The following SAP130 variants were observed in gnomAD, a reference collection of about 807,000 sequenced individuals.
The protein encoded by SAP130 is Sin3A associated protein 130.
SAP130 carries 16 observed loss-of-function variants against 103.2 expected under a neutral mutation model. That is an observed-to-expected ratio of 0.16 (90% confidence interval 0.10 to 0.24). The LOEUF (loss-of-function observed/expected upper bound fraction) is 0.24, where lower values mean the gene tolerates loss of function less well. Ranked by LOEUF, SAP130 falls within the 10% of genes least tolerant of loss-of-function variation. The pLI is 1.00. For missense variants in SAP130, 990 were observed against 1,359.7 expected, an observed-to-expected ratio of 0.73 and a Z score of 4.28; for synonymous variants, 477 against 497.0, an observed-to-expected ratio of 0.96 and a Z score of 0.53.
Position 127,993,237 on chromosome 2 carries a change from T to C in SAP130, c.1427A>G (p.His476Arg). 1 of 1,614,106 alleles carries C rather than the reference T, an allele frequency of 6.2e-7. No homozygotes were observed. The highest frequency in any genetic ancestry group is 8.5e-7 in the Non-Finnish European group (1 of 1,180,006). ...YPPSAYPLAA[H>R]TYTPITSSVS... ...GGAACTGGTGATTGGGGTGTAGGTA[T>C]GTGCCGCCAGTGGGTATGCAGAAGG... is the stretch of plus-strand genomic sequence containing the variant. Residue 476 changes from histidine to arginine, a missense_variant, in exon 12 of 21, where the codon CAT becomes CGT. This residue lies in a region of SAP130 where 336 missense variants were observed against 520.1 expected (regional missense o/e 0.65). Coordinates refer to ENST00000643581, the MANE Select transcript of SAP130 (RefSeq NM_001330301.2).
chr2:127,948,293 G>A (rs890592647), intron 18 of SAP130, among the ~76,000 whole-genome samples: 4 of 135,890 alleles, frequency 2.9e-5, no homozygotes, highest in African/African-American at 5.5e-5. Context: ...TGTGTTTTCT[G>A]TACTTCTTTT....
At position 127,942,415 on chromosome 2, in the gene SAP130, C is replaced by G. The variant is rs760290676; in HGVS notation, c.3015+9G>C. Reference sequence around the variant, plus strand: ...GTAGATGATCAGAAGGGAAGGGGCGCACTCAAACCTGTATCAGTTCGTTTA... The same window carrying G: ...GTAGATGATCAGAAGGGAAGGGGCGGACTCAAACCTGTATCAGTTCGTTTA... On this transcript the variant is annotated intron_variant, in intron 20 of 20. Coordinates refer to ENST00000643581, the MANE Select transcript of SAP130 (RefSeq NM_001330301.2). The surrounding 1 kb of genome is among the most constrained non-coding windows in gnomAD (Gnocchi z 4.8). 2 of 1,577,004 alleles carry G rather than the reference C, an allele frequency of 1.3e-6. No individual in the cohort carries two copies. The highest frequency in any genetic ancestry group is 1.7e-6 in the Non-Finnish European group (2 of 1,146,126).
rs538921327 is a variant in SAP130, at chr2:127,997,975, G to A, written c.1214-1484C>T. On this transcript the variant is annotated intron_variant, in intron 10 of 20. Coordinates refer to ENST00000643581, the MANE Select transcript of SAP130 (RefSeq NM_001330301.2). ...CTAAAAAGACAAAAATCAGCCAGGC[G>A]TGGTGGTATGTGCCTGTGATCCCAG... 5.3e-5 allele frequency among the ~76,000 whole-genome samples: 8 copies of A among 151,968 alleles called. No individual in the cohort carries two copies. The East Asian group carries it at 1.2e-3, about 22-fold the overall frequency.
Position 127,989,793 on chromosome 2 carries a change from G to T in SAP130, c.1551C>A (p.Asn517Lys). 1 of 1,614,230 alleles carries T rather than the reference G, an allele frequency of 6.2e-7. No individual in the cohort carries two copies. Among genetic ancestry groups the T allele is most frequent in the Non-Finnish European group, 8.5e-7 (1 of 1,180,050 alleles). ...GVGVASTVHL[N>K]PMQLMTVDAS... ...CATCCACTGTCATCAACTGCATGGG[G>T]TTTAGGTGGACGGTAGACGCTACCC... is the stretch of plus-strand genomic sequence containing the variant. The change falls in exon 13 of 21, where the codon AAC (asparagine) becomes AAA (lysine). Residue 517 changes from asparagine (N) to lysine (K), a missense_variant. Transcript: ENST00000643581. This position sits in a 1 kb window ranked among gnomAD's most constrained non-coding sequence, Gnocchi z 4.6.
At chr2:127,947,505 CTCTG>C (rs907508511) in intron 18 of SAP130, among the ~76,000 whole-genome samples, 1 of 152,240 alleles carries the variant, frequency 6.6e-6, no homozygotes, top group East Asian at 1.9e-4. Context: ...TATTTGTACA[CTCTG>C]TCTGGTGTTG....
At chr2:127,982,003 T>C (rs1681972382) in intron 14 of SAP130, among the ~76,000 whole-genome samples, 1 of 152,208 alleles carries the variant, frequency 6.6e-6, no homozygotes, top group Non-Finnish European at 1.5e-5. Flanking sequence ...TGGCTGACCT[T>C]ACAGTAACAT....
At chr2:127,971,130 G>T (rs989715598) in intron 15 of SAP130, among the ~76,000 whole-genome samples, 12 of 150,658 alleles carry the variant, frequency 8.0e-5, no homozygotes, top group Middle Eastern at 3.4e-3. Context: ...TTTTTATTTT[G>T]TTTTTAGAGC....
rs542768354 is a variant in SAP130, at chr2:127,998,852, G to C, written c.1213+889C>G. 1.5e-4 allele frequency among the ~76,000 whole-genome samples: 23 copies of C among 152,318 alleles called. No homozygotes were observed. In the South Asian group the frequency reaches 4.8e-3, roughly 32 times the overall value. ...ATACAAATACCCGAGTGAGGCTCCT[G>C]ACTTGATAAACGTTAAGCGTCTGGG... On this transcript the variant is annotated intron_variant, in intron 10 of 20. Transcript: ENST00000643581.
chr2:128,010,950 T>TG (rs909899041), intron 6 of SAP130, among the ~76,000 whole-genome samples: 6 of 130,814 alleles, frequency 4.6e-5, no homozygotes, highest in Non-Finnish European at 9.5e-5. Context: ...ACAAGTGTTT[T>TG]GAAAAAAAAA....
At chr2:127,995,857 AC>A (rs1224390198) in intron 11 of SAP130, among the ~76,000 whole-genome samples, 1 of 152,218 alleles carries the variant, frequency 6.6e-6, no homozygotes, top group Non-Finnish European at 1.5e-5. Context: ...TGGGAAGAAC[AC>A]ACTGCTTACC....
At chr2:128,014,707 C>A in intron 5 of SAP130, 96 bp downstream of exon 5, 2 of 865,712 alleles carry the variant, frequency 2.3e-6, no homozygotes, top group East Asian at 2.6e-5. Context: ...GCAACTTTAA[C>A]AAGCTGATTC....
At position 128,000,350 on chromosome 2, in the gene SAP130, G is replaced by A; in HGVS notation, c.974C>T (p.Pro325Leu). 6.2e-7 allele frequency: 1 copy of A among 1,614,198 alleles called. No homozygotes were observed. The highest frequency in any genetic ancestry group is 8.5e-7 in the Non-Finnish European group (1 of 1,180,020). The stretch of plus-strand genomic sequence containing the variant: ...CTGCTGTTTTGGCGTCCCTAATGCA[G>A]GGTGAGATGGTAGTGTGATTCTTGT... ...VTTRITLPSH[P>L]ALGTPKQQLH... The change falls in exon 8 of 21, where the codon CCT becomes CTT. Residue 325 changes from proline to leucine, a missense_variant. Pro to Leu is a moderately conservative substitution (Grantham distance 98). Around this residue, in one of 6 missense-constraint regions of SAP130, gnomAD observed 336 missense variants for 520.1 expected, o/e 0.65. Coordinates refer to ENST00000643581, the MANE Select transcript of SAP130 (RefSeq NM_001330301.2).
intron 15 of SAP130, among the ~76,000 whole-genome samples, chr2:127,956,429 C>A (rs1367975887): frequency 6.6e-6 from 1 of 152,008 alleles, no homozygotes; most frequent in African/African-American, 2.4e-5. Flanking sequence ...GTAAAACCAC[C>A]TGGGGCTTGC....
intron 14 of SAP130, among the ~76,000 whole-genome samples, chr2:127,985,485 T>G (rs1011486298): frequency 6.6e-6 from 1 of 152,080 alleles, no homozygotes; most frequent in South Asian, 2.1e-4. Flanking sequence ...ATCTCCCACC[T>G]CCAGAATGTT....
At position 127,942,330 on chromosome 2, in the gene SAP130, A is replaced by G; in HGVS notation, c.3015+94T>C. The G allele has an allele frequency of 9.2e-7, 1 of 1,089,494 alleles. No individual in the cohort carries two copies. The highest frequency in any genetic ancestry group is 1.4e-6 in the Non-Finnish European group (1 of 717,868). 67.5% of individuals were successfully genotyped at this position (1,089,494 alleles called of 1,614,324 possible). A position where few individuals can be genotyped will look rare whatever the true frequency, so the allele number is the denominator to read the frequency against. On this transcript the variant is annotated intron_variant, in intron 20 of 20. Coordinates refer to ENST00000643581, the MANE Select transcript of SAP130 (RefSeq NM_001330301.2). The surrounding 1 kb of genome is among the most constrained non-coding windows in gnomAD (Gnocchi z 4.8). ...TGAAGCACGTATGTTTTTACTGAAG[A>G]TATGAGGGAGACGGGGGGAAACGGG...
rs796997819 is a variant in SAP130, at chr2:128,018,332, CAAACCAA to C, written c.113-424_113-418del. Among the ~76,000 whole-genome samples, 51 of 120,718 alleles carry C rather than the reference CAAACCAA, an allele frequency of 4.2e-4. 1 individual carries two copies. Among genetic ancestry groups the C allele is most frequent in the African/African-American group, 1.3e-3 (43 of 33,712 alleles). 79.2% of individuals were successfully genotyped at this position (120,718 alleles called of 152,430 possible). ...AAAATACAAAAAAAAAAAAAAAAAA[CAAACCAA>C]AAACCAAAAACCACGTTTTTTTGTA... On this transcript the variant is annotated intron_variant, in intron 2 of 20. Coordinates refer to ENST00000643581, the MANE Select transcript of SAP130 (RefSeq NM_001330301.2).
chr2:127,986,983 G>C lies in SAP130; in HGVS notation c.1781-21C>G. 6.3e-7 allele frequency: 1 copy of C among 1,597,960 alleles called. No homozygotes were observed. The highest frequency in any genetic ancestry group is 8.6e-7 in the Non-Finnish European group (1 of 1,167,422). Reference sequence around the variant, plus strand: ...CACTGCTACAGGAGAGAGGCAACAGGAAAGAACATTGAAGAGAGGGAAACA... The same window carrying C: ...CACTGCTACAGGAGAGAGGCAACAGCAAAGAACATTGAAGAGAGGGAAACA... On this transcript the variant is annotated intron_variant, in intron 13 of 20. Coordinates refer to ENST00000643581, the MANE Select transcript of SAP130 (RefSeq NM_001330301.2). This position sits in a 1 kb window ranked among gnomAD's most constrained non-coding sequence, Gnocchi z 4.7.
At chr2:127,981,950 T>G (rs1016236746) in intron 14 of SAP130, among the ~76,000 whole-genome samples, 12 of 152,194 alleles carry the variant, frequency 7.9e-5, no homozygotes, top group Admixed American at 3.3e-4. Flanking sequence ...AGCAGCTCAA[T>G]AAAGCTTGCT....
rs199719276 is a variant in SAP130, at chr2:127,955,140, C to T, written c.2268G>A (p.Ala756=). ...TGGTGATGGGTGGAGTGATGGGGAC[C>T]GCTCCAGGAATGGTTGAAAGGGCAA... ...PAVALSTIPG[A]VPITPPITTI... The change falls in exon 16 of 21, where the codon GCG becomes GCA. Residue 756 remains alanine (A), a synonymous_variant. Coordinates refer to ENST00000643581, the MANE Select transcript of SAP130 (RefSeq NM_001330301.2). This position sits in a 1 kb window ranked among gnomAD's most constrained non-coding sequence, Gnocchi z 4.9. 100 of 1,613,946 alleles carry T rather than the reference C, an allele frequency of 6.2e-5. No individual in the cohort carries two copies. The highest frequency in any genetic ancestry group is 2.0e-4 in the East Asian group (9 of 44,882).
Sources: gnomAD v4.1 joint callset for allele counts (sites outside exome capture counted in the v4.1 genomes callset) on GRCh38, gnomAD v4.1.1 for gene constraint, gnomAD v4.1.1 regional missense constraint, Gnocchi (gnomAD v3.1) non-coding constraint, MANE v1.5 for transcripts, NCBI Gene and HGNC (gene_info 2026-07-23, HGNC 2026-07-21) for gene names.